KDM2B: variants seen among roughly 807,000 people sequenced by gnomAD.
KDM2B encodes lysine-specific demethylase 2B.
In KDM2B, 26 loss-of-function variants were observed where a neutral mutation model predicts 150.0. The ratio of observed to expected loss-of-function variants is 0.17; its 90% confidence interval spans 0.13 to 0.24. The LOEUF is 0.24. Ranked by LOEUF, KDM2B falls within the 10% of genes least tolerant of loss-of-function variation. KDM2B has a pLI of 1.00. For missense variants in KDM2B, 1,265 were observed against 1,816.9 expected (o/e 0.70, Z 5.52); for synonymous variants, 734 against 729.5 (o/e 1.01, Z -0.10).
chr12:121,513,246 G>T lies in KDM2B; in HGVS notation c.1174+30C>A. On this transcript the variant is annotated intron_variant, in intron 10 of 22. Coordinates refer to ENST00000377071, the MANE Select transcript of KDM2B (RefSeq NM_032590.5). This position sits in a 1 kb window ranked among gnomAD's most constrained non-coding sequence, Gnocchi z 5.0. ...TGATTTCTGCCCCAGCTGTGCAGCC[G>T]AGGCCGTGGGCTCCCTCCGGTTCAC... is the stretch of plus-strand genomic sequence containing the variant. 1.2e-6 allele frequency: 2 copies of T among 1,607,346 alleles called. No homozygotes were observed. The highest frequency in any genetic ancestry group is 1.7e-6 in the Non-Finnish European group (2 of 1,174,916).
At chr12:121,559,888 A>G (rs1411953208) in intron 4 of KDM2B, among the ~76,000 whole-genome samples, 1 of 151,056 alleles carries the variant, frequency 6.6e-6, no homozygotes. Flanking sequence ...GAGCAACAAG[A>G]GCAAAACTCC....
At chr12:121,512,131 C>T (rs1482651434) in intron 10 of KDM2B, among the ~76,000 whole-genome samples, 1 of 152,168 alleles carries the variant, frequency 6.6e-6, no homozygotes, top group Non-Finnish European at 1.5e-5. Flanking sequence ...TCCGGGGGAT[C>T]GTGGAGTTAC....
At chr12:121,538,119 A>C (rs1888309630) in intron 6 of KDM2B, among the ~76,000 whole-genome samples, 1 of 151,512 alleles carries the variant, frequency 6.6e-6, no homozygotes. Flanking sequence ...GCCTGCGCTC[A>C]TGCCCGCGCT....
intron 12 of KDM2B, among the ~76,000 whole-genome samples, chr12:121,485,706 T>C (rs565414943): frequency 6.6e-6 from 1 of 151,860 alleles, no homozygotes; most frequent in East Asian, 1.9e-4. Flanking sequence ...AGATGGTGGG[T>C]GGTGATGGCT....
At chr12:121,486,740 T>A (rs1480996256) in intron 12 of KDM2B, among the ~76,000 whole-genome samples, 1 of 150,552 alleles carries the variant, frequency 6.6e-6, no homozygotes, top group Admixed American at 6.6e-5. Context: ...TGAGCCAAGG[T>A]TGCACCACTG....
the KDM2B span, chr12:121,417,782 G>C: frequency 1.2e-6 from 2 of 1,614,128 alleles, no homozygotes; most frequent in South Asian, 2.2e-5. The surrounding 1 kb of genome is among the most constrained non-coding windows in gnomAD (Gnocchi z 5.0). Context: ...ATTCTTCAAG[G>C]TCCCAGACTT....
At chr12:121,581,286 T>C (rs1000559710), upstream of KDM2B, 11 of 182,520 alleles carry the variant, frequency 6.0e-5, no homozygotes, top group South Asian at 1.3e-4. Flanking sequence ...TGGTAGTTTA[T>C]AGAAGACAAG....
intron 12 of KDM2B, among the ~76,000 whole-genome samples, chr12:121,462,273 C>T (rs1374226911): frequency 2.0e-5 from 3 of 152,156 alleles, no homozygotes; most frequent in Non-Finnish European, 2.9e-5. Flanking sequence ...CCCCTTAACA[C>T]ACGCCTGTAG....
chr12:121,424,091 G>A, the KDM2B span: 1 of 152,814 alleles, frequency 6.5e-6, no homozygotes, highest in Non-Finnish European at 1.5e-5. Flanking sequence ...CATTGTTGCT[G>A]TTTCTGCATT....
chr12:121,577,826 C>G (rs1259831487), intron 2 of KDM2B, among the ~76,000 whole-genome samples: 2 of 152,166 alleles, frequency 1.3e-5, no homozygotes, highest in African/African-American at 2.4e-5. Flanking sequence ...CTAGGTTCCT[C>G]AACCAGGAGC....
At chr12:121,450,602 G>A (rs540434363) in intron 13 of KDM2B, among the ~76,000 whole-genome samples, 8 of 152,314 alleles carry the variant, frequency 5.3e-5, no homozygotes, top group Non-Finnish European at 8.8e-5. Context: ...GCTCACGCCT[G>A]TAATCCCAGC....
the KDM2B span, among the ~76,000 whole-genome samples, chr12:121,416,880 T>C: frequency 6.6e-6 from 1 of 152,230 alleles, no homozygotes; most frequent in African/African-American, 2.4e-5. Context: ...TTGCTCTCTT[T>C]GATCTTTAGT....
rs1481918877 is a variant in KDM2B, at chr12:121,467,186, T to C, written c.1735-13842A>G. 9.0e-7 allele frequency: 1 copy of C among 1,114,816 alleles called. No homozygotes were observed. The highest frequency in any genetic ancestry group is 3.8e-5 in the Admixed American group (1 of 26,296). The allele number at this position is 1,114,816 out of a possible 1,614,324, so 69.1% of individuals were successfully genotyped here. ...GTCCGGCTCCGATTCATAGTCGTCG[T>C]CCTCGGCGCTCACGGACATGGCCAT... On this transcript the variant is annotated intron_variant, in intron 12 of 22. Coordinates refer to ENST00000377071, the MANE Select transcript of KDM2B (RefSeq NM_032590.5). This position sits in a 1 kb window ranked among gnomAD's most constrained non-coding sequence, Gnocchi z 5.1.
chr12:121,528,575 T>TAATAAATAAATAAATA (rs56986386), intron 8 of KDM2B, among the ~76,000 whole-genome samples: 7 of 148,936 alleles, frequency 4.7e-5, no homozygotes, highest in African/African-American at 1.7e-4. Flanking sequence ...AATGAAAAAA[T>TAATAAATAAATAAATA]AATAAATAAA....
intron 6 of KDM2B, among the ~76,000 whole-genome samples, chr12:121,540,161 T>C (rs1295250396): frequency 6.6e-6 from 1 of 152,152 alleles, no homozygotes; most frequent in Non-Finnish European, 1.5e-5. Context: ...ATGCCAAGTG[T>C]CTATGGTGGT....
intron 2 of KDM2B, 31 bp downstream of exon 2, chr12:121,578,771 C>G: frequency 2.0e-6 from 3 of 1,464,380 alleles, no homozygotes; most frequent in Non-Finnish European, 2.7e-6. Flanking sequence ...GCCCGCAGCG[C>G]AGAGGGCGGC....
At chr12:121,566,538 C>T (rs1890717971) in intron 4 of KDM2B, among the ~76,000 whole-genome samples, 1 of 152,172 alleles carries the variant, frequency 6.6e-6, no homozygotes, top group Non-Finnish European at 1.5e-5. Context: ...AGGAGAATCG[C>T]TTGAACGGGG....
intron 11 of KDM2B, 30 bp from the exon 12 acceptor site, chr12:121,494,695 C>T (rs782768881): frequency 1.9e-6 from 3 of 1,569,570 alleles, no homozygotes; most frequent in South Asian, 1.1e-5. Flanking sequence ...CCATATTAGC[C>T]CAGGGGGAAG....
At chr12:121,557,861 A>T (rs1446065311) in intron 4 of KDM2B, among the ~76,000 whole-genome samples, 1 of 152,190 alleles carries the variant, frequency 6.6e-6, no homozygotes, top group Non-Finnish European at 1.5e-5. Flanking sequence ...ATGACTGGGT[A>T]TACCTACATG....
Sources: gnomAD v4.1 joint callset for allele counts (sites outside exome capture counted in the v4.1 genomes callset) on GRCh38, gnomAD v4.1.1 for gene constraint, Gnocchi (gnomAD v3.1) non-coding constraint, MANE v1.5 for transcripts, NCBI Gene and HGNC (gene_info 2026-07-23, HGNC 2026-07-21) for gene names.